The following ITGA3 variants were observed in gnomAD, a reference collection of about 807,000 sequenced individuals.
ITGA3 encodes integrin alpha-3.
In ITGA3, 70 loss-of-function variants were observed where a neutral mutation model predicts 131.1. The ratio of observed to expected loss-of-function variants is 0.53; its 90% CI spans 0.44 to 0.65. The LOEUF (loss-of-function observed/expected upper bound fraction) is 0.65. ITGA3 is among the 30% of genes least tolerant of loss of function. ITGA3 has a pLI of 0.00. For missense variants in ITGA3, 1,098 were observed against 1,388.6 expected (o/e 0.79, Z 3.33); for synonymous variants, 537 against 571.6 (o/e 0.94, Z 0.86).
At chr17:50,086,520 C>G (rs1909440067) in intron 23 of ITGA3, 1 of 149,126 alleles carries the variant, frequency 6.7e-6, no homozygotes, top group Non-Finnish European at 1.5e-5. Flanking sequence ...GAAACCCTGT[C>G]TCTACTAAAA....
At position 50,063,764 on chromosome 17, in the gene ITGA3, C is replaced by G. The variant is rs972757128; in HGVS notation, c.207-313C>G. The G allele has an allele frequency of 2.5e-5, 9 of 353,590 alleles. No individual in the cohort carries two copies. In the South Asian group the frequency reaches 3.0e-4, roughly 12 times the overall value. The allele number at this position is 353,590 out of a possible 1,614,324, so 21.9% of individuals were successfully genotyped here. On this transcript the variant is annotated intron_variant, in intron 1 of 25. Coordinates refer to ENST00000320031, the MANE Select transcript of ITGA3 (RefSeq NM_002204.4). Reference sequence around the variant, plus strand: ...GTGCCTTTGCCCAAGTGCTCTTCCTCCCCTTCTTCACCTGGAGAACCCTGG... The same window carrying G: ...GTGCCTTTGCCCAAGTGCTCTTCCTGCCCTTCTTCACCTGGAGAACCCTGG...
chr17:50,089,782 G>A lies in ITGA3; in HGVS notation c.*704G>A, dbSNP rs1567707978. ...ATGACACCCATGCCAGAGAGGTGGG[G>A]ATCCTGCCTAAGGTTGTCTACGGGG... On this transcript the variant is annotated 3_prime_UTR_variant, in exon 26 of 26. Transcript: ENST00000320031. The A allele has an allele frequency of 1.2e-5, 2 of 172,860 alleles. No homozygotes were observed. The highest frequency in any genetic ancestry group is 4.7e-5 in the African/African-American group (2 of 42,336). 10.7% of individuals were successfully genotyped at this position (172,860 alleles called of 1,614,324 possible).
chr17:50,056,739 C>T lies in ITGA3; in HGVS notation c.206+94C>T. 1 of 1,294,712 alleles carries T rather than the reference C, an allele frequency of 7.7e-7. No homozygotes were observed. The allele number at this position is 1,294,712 out of a possible 1,614,324, so 80.2% of individuals were successfully genotyped here. A position where few individuals can be genotyped will look rare whatever the true frequency, so the allele number is the denominator to read the frequency against. On this transcript the variant is annotated intron_variant, in intron 1 of 25. Transcript: ENST00000320031. The surrounding 1 kb of genome is among the most constrained non-coding windows in gnomAD (Gnocchi z 5.6). ...TGAGTCGGAGCCCAGGGCAGCTGGCCCTTGGGAGCCAGGATTAAGGGGCGG... is the reference window on the plus strand; with the variant it reads ...TGAGTCGGAGCCCAGGGCAGCTGGCTCTTGGGAGCCAGGATTAAGGGGCGG...
chr17:50,082,914 C>T (rs1049290799), intron 23 of ITGA3, among the ~76,000 whole-genome samples: 1 of 152,054 alleles, frequency 6.6e-6, no homozygotes, highest in African/African-American at 2.4e-5. Flanking sequence ...AAAGAAGTTC[C>T]CAATCTTGAA....
intron 24 of ITGA3, 40 bp from the exon 25 acceptor site, chr17:50,088,185 G>C (rs746601235): frequency 6.5e-7 from 1 of 1,539,724 alleles, no homozygotes; most frequent in East Asian, 2.5e-5. Flanking sequence ...ATAGCCCAGC[G>C]CCCCCCTGAT....
At chr17:50,073,831 TG>T in intron 7 of ITGA3, 84 bp from the exon 8 acceptor site, 2 of 948,004 alleles carry the variant, frequency 2.1e-6, no homozygotes, top group Non-Finnish European at 1.7e-6. Flanking sequence ...AGTTCTGTGC[TG>T]GGCTGTATGG....
chr17:50,059,988 A>G (rs78431044), intron 1 of ITGA3, among the ~76,000 whole-genome samples: 2,770 of 152,154 alleles, frequency 0.018, 75 homozygotes, highest in African/African-American at 0.063. Flanking sequence ...GGTGGGCAGC[A>G]AGGGAAGGGT....
intron 12 of ITGA3, among the ~76,000 whole-genome samples, chr17:50,075,968 G>C (rs1908870689): frequency 6.6e-6 from 1 of 152,216 alleles, no homozygotes; most frequent in African/African-American, 2.4e-5. Flanking sequence ...TCCAAGGAAA[G>C]TGAGGAGTGT....
intron 1 of ITGA3, among the ~76,000 whole-genome samples, chr17:50,061,148 C>T (rs1908060003): frequency 6.6e-6 from 1 of 152,058 alleles, no homozygotes; most frequent in Admixed American, 6.5e-5. Flanking sequence ...AGCGGGGGCT[C>T]ACTCTGGAAT....
At chr17:50,076,786 G>A in intron 14 of ITGA3, 105 bp downstream of exon 14, 1 of 1,216,948 alleles carries the variant, frequency 8.2e-7, no homozygotes, top group Non-Finnish European at 1.2e-6. Context: ...CCCAGGGACA[G>A]GGCTTTAGCG....
chr17:50,057,786 C>T (rs1907899586), intron 1 of ITGA3, among the ~76,000 whole-genome samples: 1 of 152,188 alleles, frequency 6.6e-6, no homozygotes, highest in Non-Finnish European at 1.5e-5. Context: ...CTGGCTGGGG[C>T]CTGCAGAGCT....
chr17:50,072,281 GC>G, intron 7 of ITGA3, 99 bp downstream of exon 7: 1 of 1,093,754 alleles, frequency 9.1e-7, no homozygotes, highest in Non-Finnish European at 1.4e-6. Flanking sequence ...GCTTGACAGG[GC>G]CCACAGATGA....
intron 23 of ITGA3, among the ~76,000 whole-genome samples, chr17:50,082,102 C>A (rs1909212853): frequency 6.6e-6 from 1 of 152,238 alleles, no homozygotes. Flanking sequence ...ATCCTCCCAC[C>A]TCAGCCTCCT....
In ITGA3 at chr17:50,079,542, GT is replaced by G. The variant is rs775158805; in HGVS notation, c.2692del (p.Ser898LeufsTer5). On this transcript the variant is annotated frameshift_variant, in exon 21 of 26. Coordinates refer to ENST00000320031, the MANE Select transcript of ITGA3 (RefSeq NM_002204.4). LOFTEE classifies it high-confidence loss of function. ...CTCTGGCTGCTGCCAAAAAAGCCAA[GT>G]CTGAGACTGTGCTGGTGAGTGGCCA... ...VTLAAAKKAK[S>X]ETVLTCATGR... is the part of the protein sequence containing the mutation. 6 of 1,549,164 alleles carry G rather than the reference GT, an allele frequency of 3.9e-6. No homozygotes were observed. In the East Asian group the frequency reaches 1.4e-4, roughly 35 times the overall value.
chr17:50,070,927 A>G lies in ITGA3; in HGVS notation c.748A>G (p.Ile250Val), dbSNP rs1908596217. Residue 250 changes from isoleucine to valine, a missense_variant, in exon 5 of 26, where the codon ATT becomes GTT. Ile to Val is a conservative substitution (Grantham distance 29, BLOSUM62 3). Coordinates refer to ENST00000320031, the MANE Select transcript of ITGA3 (RefSeq NM_002204.4). ...KDPEDQGNLYIGYTMQVGSFI... is the reference protein window; with the variant it reads ...KDPEDQGNLYVGYTMQVGSFI... The stretch of plus-strand genomic sequence containing the variant: ...CCCAGAGGACCAAGGAAACCTCTAT[A>G]TTGGTGAGTACAGTAGTGGTAGCCC... 1 of 1,580,988 alleles carries G rather than the reference A, an allele frequency of 6.3e-7. No individual in the cohort carries two copies. Among genetic ancestry groups the G allele is most frequent in the Non-Finnish European group, 8.7e-7 (1 of 1,149,934 alleles).
chr17:50,077,256 A>G, intron 15 of ITGA3, 123 bp from the exon 16 acceptor site: 1 of 1,293,074 alleles, frequency 7.7e-7, no homozygotes. Context: ...TGGGGGCCTT[A>G]GCGTCTCTGC....
intron 13 of ITGA3, 50 bp downstream of exon 13, chr17:50,076,525 T>C (rs1417541162): frequency 6.4e-7 from 1 of 1,562,830 alleles, no homozygotes; most frequent in Non-Finnish European, 8.8e-7. Flanking sequence ...AGAAGGGCGG[T>C]GGGGCGAGAG....
intron 23 of ITGA3, among the ~76,000 whole-genome samples, chr17:50,085,791 T>G (rs1222648914): frequency 1.5e-5 from 2 of 134,340 alleles, no homozygotes; most frequent in Non-Finnish European, 3.1e-5. Context: ...ATTTATAATG[T>G]ATATTAGATT....
Position 50,076,426 on chromosome 17 carries a change from A to G in ITGA3, c.1775A>G (p.Asp592Gly). 1 of 1,611,390 alleles carries G rather than the reference A, an allele frequency of 6.2e-7. No homozygotes were observed. Among genetic ancestry groups the G allele is most frequent in the Non-Finnish European group, 8.5e-7 (1 of 1,179,964 alleles). ...CCCCGGCTGGGGCTGCGGTCCCTGG[A>G]CGCCTACCCGATCCTCAACCAGGCA... ...DRPRLGLRSL[D>G]AYPILNQAQA... The change falls in exon 13 of 26, where the codon GAC becomes GGC. Residue 592 changes from aspartate to glycine, a missense_variant. Asp to Gly is a moderately conservative substitution (Grantham distance 94, BLOSUM62 -1). Coordinates refer to ENST00000320031, the MANE Select transcript of ITGA3 (RefSeq NM_002204.4).
Sources: allele counts gnomAD v4.1 joint callset (sites outside exome capture counted in the v4.1 genomes callset), GRCh38; gene constraint gnomAD v4.1.1; non-coding constraint Gnocchi (gnomAD v3.1); transcripts MANE v1.5; gene names NCBI Gene and HGNC (gene_info 2026-07-23, HGNC 2026-07-21).